The following PARP11 variants were observed in gnomAD, a reference collection of about 807,000 sequenced individuals.
PARP11 encodes the protein poly(ADP-ribose) polymerase family member 11, also known as protein mono-ADP-ribosyltransferase PARP11.
In PARP11, 31 loss-of-function variants were observed where a neutral mutation model predicts 42.9. That is an observed-to-expected ratio of 0.72 (90% confidence interval 0.54 to 0.98). The LOEUF is 0.98. PARP11 is among the 50% of genes least tolerant of loss of function. The pLI is 0.00. For missense variants in PARP11, 365 were observed against 413.1 expected (o/e 0.88, Z 1.01); for synonymous variants, 137 against 127.3 (o/e 1.08, Z -0.51).
chr12:3,814,968 C>G, intron 6 of PARP11: 1 of 447,948 alleles, frequency 2.2e-6, no homozygotes, highest in South Asian at 1.6e-5. Flanking sequence ...GTAAAAAATA[C>G]AAAATACAAA....
At chr12:3,847,593 T>TG (rs1238522198) in intron 1 of PARP11, among the ~76,000 whole-genome samples, 1 of 152,230 alleles carries the variant, frequency 6.6e-6, no homozygotes, top group Non-Finnish European at 1.5e-5. Context: ...TTTTAATAGA[T>TG]GCTTTAAAAG....
chr12:3,854,592 G>A (rs1948159827), intron 1 of PARP11, among the ~76,000 whole-genome samples: 1 of 152,168 alleles, frequency 6.6e-6, no homozygotes, highest in African/African-American at 2.4e-5. Context: ...CCAGGAAGAG[G>A]TTGAATCCCT....
At chr12:3,812,493 A>C in intron 7 of PARP11, 54 bp from the exon 8 acceptor site, 1 of 1,289,840 alleles carries the variant, frequency 7.8e-7, no homozygotes, top group East Asian at 2.3e-5. Context: ...ATATATTAAA[A>C]ACAAGCAAAA....
chr12:3,864,121 A>C (rs1948349707), intron 1 of PARP11, among the ~76,000 whole-genome samples: 1 of 152,262 alleles, frequency 6.6e-6, no homozygotes, highest in African/African-American at 2.4e-5. Context: ...TTCTATTCCT[A>C]GGCTGCTGAG....
intron 1 of PARP11, chr12:3,841,435 G>A (rs945914787): frequency 3.6e-5 from 48 of 1,342,120 alleles, no homozygotes; most frequent in South Asian, 5.9e-5. Flanking sequence ...GGCTCCTGCC[G>A]CCCAGAATTA....
Position 3,826,152 on chromosome 12 carries a change from C to T in PARP11, c.344+6G>A, listed in dbSNP as rs1357627573. ...ACTCTTTCCACCCCTATTCTCTTTA[C>T]CATACCTGAAAGCACTGATAGAAAA... On this transcript the variant is annotated splice_donor_region_variant and intron_variant, in intron 4 of 7. Coordinates refer to ENST00000228820, the MANE Select transcript of PARP11 (RefSeq NM_020367.6). The T allele has an allele frequency of 1.3e-6, 2 of 1,562,474 alleles. No individual in the cohort carries two copies. The highest frequency in any genetic ancestry group is 2.0e-5 in the Admixed American group (1 of 49,434).
chr12:3,839,139 G>C (rs1459494576), intron 1 of PARP11, among the ~76,000 whole-genome samples: 1 of 150,304 alleles, frequency 6.7e-6, no homozygotes, highest in East Asian at 1.9e-4. Context: ...GGAGAGCGCG[G>C]ACCGCTGCCT....
intron 1 of PARP11, among the ~76,000 whole-genome samples, chr12:3,865,288 C>T (rs143399365): frequency 1.3e-5 from 2 of 152,154 alleles, no homozygotes; most frequent in East Asian, 1.9e-4. Context: ...TATTTTTACA[C>T]GTTCTCTATG....
At chr12:3,853,098 A>C (rs1565547778) in intron 1 of PARP11, among the ~76,000 whole-genome samples, 1 of 152,218 alleles carries the variant, frequency 6.6e-6, no homozygotes, top group Non-Finnish European at 1.5e-5. Context: ...GATTTTTGTC[A>C]TCACCAGGCC....
At chr12:3,823,897 C>T (rs1053953802) in intron 4 of PARP11, among the ~76,000 whole-genome samples, 1 of 143,734 alleles carries the variant, frequency 7.0e-6, no homozygotes, top group South Asian at 2.2e-4. Flanking sequence ...GCCTGGGCAA[C>T]AGAGTAAGAC....
intron 1 of PARP11, among the ~76,000 whole-genome samples, chr12:3,865,189 A>G (rs1189869626): frequency 6.6e-6 from 1 of 152,140 alleles, no homozygotes. Flanking sequence ...TTTCTAACTT[A>G]ATTCCATTTA....
At chr12:3,857,628 T>TTTTTACCA (rs935465658) in intron 1 of PARP11, among the ~76,000 whole-genome samples, 5 of 151,226 alleles carry the variant, frequency 3.3e-5, no homozygotes, top group African/African-American at 1.2e-4. Context: ...TACCAGTCCA[T>TTTTTACCA]TATTATGCTA....
At chr12:3,867,220 C>G (rs1366972758) in intron 1 of PARP11, among the ~76,000 whole-genome samples, 1 of 152,122 alleles carries the variant, frequency 6.6e-6, no homozygotes, top group Non-Finnish European at 1.5e-5. Flanking sequence ...CAGGAGTCAA[C>G]AATATGCCTC....
chr12:3,823,860 G>A (rs139636840), intron 4 of PARP11, among the ~76,000 whole-genome samples: 1,825 of 150,402 alleles, frequency 0.012, 31 homozygotes, highest in African/African-American at 0.041. Flanking sequence ...AGGCTGCAGT[G>A]AGCCAAGATG....
chr12:3,834,187 A>G (rs2138055071), intron 1 of PARP11, among the ~76,000 whole-genome samples: 1 of 152,330 alleles, frequency 6.6e-6, no homozygotes, highest in East Asian at 1.9e-4. Context: ...CTCTGGGGAA[A>G]AAAGACTCTC....
chr12:3,866,608 T>C (rs1319686479), intron 1 of PARP11, among the ~76,000 whole-genome samples: 1 of 152,224 alleles, frequency 6.6e-6, no homozygotes, highest in Non-Finnish European at 1.5e-5. Context: ...TCAGCCATAG[T>C]TAGCATTTAC....
At chr12:3,847,572 C>T (rs559053523) in intron 1 of PARP11, among the ~76,000 whole-genome samples, 2 of 152,164 alleles carry the variant, frequency 1.3e-5, no homozygotes, top group Admixed American at 1.3e-4. Context: ...AGAAGAAAAA[C>T]CATATAATCA....
intron 1 of PARP11, among the ~76,000 whole-genome samples, chr12:3,832,383 C>T (rs1383112184): frequency 6.6e-6 from 1 of 152,174 alleles, no homozygotes; most frequent in African/African-American, 2.4e-5. Context: ...AGATTCACAG[C>T]TAGCAGTACA....
chr12:3,814,223 C>T (rs1947239194), intron 6 of PARP11, 35 bp from the exon 7 acceptor site: 2 of 1,494,994 alleles, frequency 1.3e-6, no homozygotes, highest in Non-Finnish European at 1.8e-6. Flanking sequence ...CAAAAGCACA[C>T]AGAAATATAC....
Sources: gnomAD v4.1 joint callset for allele counts (sites outside exome capture counted in the v4.1 genomes callset) on GRCh38, gnomAD v4.1.1 for gene constraint, MANE v1.5 for transcripts, NCBI Gene and HGNC (gene_info 2026-07-23, HGNC 2026-07-21) for gene names.